The following SLC1A4 variants were observed in gnomAD, a reference collection of about 807,000 sequenced individuals.
SLC1A4 encodes solute carrier family 1 member 4.
Under a neutral mutation model 37.7 loss-of-function variants are expected in SLC1A4, and 19 were observed. The ratio of observed to expected loss-of-function variants is 0.50; its 90% CI spans 0.35 to 0.74. The LOEUF is 0.74. SLC1A4 is among the 30% of genes least tolerant of loss of function. The pLI is 0.01. For missense variants in SLC1A4, 570 were observed against 712.9 expected (o/e 0.80, Z 2.28); for synonymous variants, 299 against 309.8 (o/e 0.97, Z 0.37).
chr2:65,002,895 A>C (rs1185286667), intron 2 of SLC1A4, among the ~76,000 whole-genome samples: 2 of 152,074 alleles, frequency 1.3e-5, no homozygotes, highest in Non-Finnish European at 2.9e-5. Flanking sequence ...CATTCTTTAC[A>C]CAGAGAAGGA....
At chr2:65,016,380 C>T in intron 4 of SLC1A4, 60 bp from the exon 5 acceptor site, 1 of 1,328,306 alleles carries the variant, frequency 7.5e-7, no homozygotes, top group Non-Finnish European at 1.1e-6. Flanking sequence ...TCAGGAAGGA[C>T]CTGCATCTCT....
rs193036328 is a variant in SLC1A4 at position 65,004,454 on chromosome 2, A to T, written c.633+439A>T. 9.0e-4 allele frequency among the ~76,000 whole-genome samples: 134 copies of T among 148,834 alleles called. No homozygotes were observed. In the East Asian group the frequency reaches 0.014, roughly 16 times the overall value. Reference sequence around the variant, plus strand: ...TATTTATTTATTTATTTATTTATTTATTTTTTATGTTTTGTAGAGACAAGA... The same window carrying T: ...TATTTATTTATTTATTTATTTATTTTTTTTTTATGTTTTGTAGAGACAAGA... On this transcript the variant is annotated intron_variant, in intron 3 of 7. Coordinates refer to ENST00000234256, the MANE Select transcript of SLC1A4 (RefSeq NM_003038.5).
chr2:64,996,834 C>T (rs1673272527), intron 1 of SLC1A4, among the ~76,000 whole-genome samples: 1 of 152,142 alleles, frequency 6.6e-6, no homozygotes, highest in Non-Finnish European at 1.5e-5. Flanking sequence ...AGCTCACTGT[C>T]TCTGATTTCA....
chr2:65,016,626 C>G lies in SLC1A4; in HGVS notation c.987C>G (p.Leu329=), dbSNP rs201954414. 5.3e-5 allele frequency: 86 copies of G among 1,614,096 alleles called. No homozygotes were observed. Among genetic ancestry groups the G allele is most frequent in the Non-Finnish European group, 7.1e-5 (84 of 1,180,044 alleles). ...VFTRKNPFRF[L]LGLLAPFATA... is the part of the protein sequence containing the mutation. ...CACGAAAAAACCCATTCAGATTCCT[C>G]CTGGGCCTCCTCGCCCCATTTGCGA... Residue 329 remains leucine, a synonymous_variant, in exon 5 of 8, where the codon CTC becomes CTG. Transcript: ENST00000234256.
chr2:65,012,072 T>TA (rs1489799438), intron 4 of SLC1A4, among the ~76,000 whole-genome samples: 4 of 151,170 alleles, frequency 2.6e-5, no homozygotes. Context: ...CCCAGCCGCT[T>TA]CTACTTGTTT....
chr2:64,991,144 T>C (rs1378210273), intron 1 of SLC1A4, among the ~76,000 whole-genome samples: 2 of 152,222 alleles, frequency 1.3e-5, no homozygotes, highest in Admixed American at 6.5e-5. Flanking sequence ...TCTTGAGTTA[T>C]TGAGGCAAAG....
intron 2 of SLC1A4, 141 bp from the exon 3 acceptor site, chr2:65,003,812 A>T (rs566188745): frequency 1.5e-4 from 93 of 628,340 alleles, no homozygotes; most frequent in Non-Finnish European, 2.4e-4. Context: ...GGCTTTTGTC[A>T]GGCCAGCCAA....
chr2:64,996,608 C>T (rs1393275976), intron 1 of SLC1A4, among the ~76,000 whole-genome samples: 1 of 152,212 alleles, frequency 6.6e-6, no homozygotes, highest in Non-Finnish European at 1.5e-5. Context: ...TTTAAAATTA[C>T]TTCAAATGTA....
intron 3 of SLC1A4, 68 bp downstream of exon 3, chr2:65,004,083 G>A: frequency 7.4e-7 from 1 of 1,357,160 alleles, no homozygotes; most frequent in Non-Finnish European, 1.0e-6. Flanking sequence ...CTTTGAAGGA[G>A]CATACAGGAC....
intron 1 of SLC1A4, among the ~76,000 whole-genome samples, chr2:64,998,153 T>C (rs1382556459): frequency 1.3e-5 from 2 of 152,178 alleles, no homozygotes; most frequent in Admixed American, 6.5e-5. Context: ...AGGACAATGG[T>C]GTGAACCTCG....
chr2:64,989,626 G>A lies in SLC1A4; in HGVS notation c.-18G>A, dbSNP rs1276158943. ...CCACGTCCCCTGCCACCTCTAGCTC[G>A]GAGCGGCGTGTAGCGCCATGGAGAA... On this transcript the variant is annotated 5_prime_UTR_variant, in exon 1 of 8. Transcript: ENST00000234256. The A allele has an allele frequency of 1.4e-6, 2 of 1,479,768 alleles. No homozygotes were observed. The highest frequency in any genetic ancestry group is 2.7e-5 in the Admixed American group (1 of 36,686). The allele number at this position is 1,479,768 out of a possible 1,614,324, so 91.7% of individuals were successfully genotyped here. A position where few individuals can be genotyped will look rare whatever the true frequency, so the allele number is the denominator to read the frequency against.
chr2:65,020,812 C>A, intron 7 of SLC1A4, 100 bp from the exon 8 acceptor site: 1 of 885,284 alleles, frequency 1.1e-6, no homozygotes. Flanking sequence ...AGCAACAGGG[C>A]CCCTCACAAT....
rs188062812 is a variant in SLC1A4, at chr2:65,023,676, T to G, written c.*2530T>G. The G allele has an allele frequency of 2.0e-5, 3 of 152,646 alleles. No individual in the cohort carries two copies. Among genetic ancestry groups the G allele is most frequent in the Non-Finnish European group, 4.4e-5 (3 of 68,042 alleles). The allele number at this position is 152,646 out of a possible 1,614,324, so 9.5% of individuals were successfully genotyped here. On this transcript the variant is annotated 3_prime_UTR_variant, in exon 8 of 8. Transcript: ENST00000234256. ...CCTGGTTTTCAGTCCACAGAGTCGG[T>G]AGACCAGGGGTTACGTGACTGGGGA...
intron 2 of SLC1A4, among the ~76,000 whole-genome samples, chr2:65,002,111 C>T (rs758043513): frequency 6.6e-6 from 1 of 152,058 alleles, no homozygotes; most frequent in Admixed American, 6.6e-5. Context: ...GAAACCCCGT[C>T]TCCATTAAAG....
rs995920986 is a variant in SLC1A4, at chr2:65,018,435, T to C, written c.1230-110T>C. 5 of 1,485,564 alleles carry C rather than the reference T, an allele frequency of 3.4e-6. No homozygotes were observed. Among genetic ancestry groups the C allele is most frequent in the Admixed American group, 3.9e-5 (2 of 51,254 alleles). 92.0% of individuals were successfully genotyped at this position (1,485,564 alleles called of 1,614,324 possible). On this transcript the variant is annotated intron_variant, in intron 6 of 7. Transcript: ENST00000234256. This position sits in a 1 kb window ranked among gnomAD's most constrained non-coding sequence, Gnocchi z 4.3. ...TCAAGGGCGTAGCCAGCAGAGCCTA[T>C]GGTGGGGCGGTTTTTAGTTTCCAGC...
intron 3 of SLC1A4, among the ~76,000 whole-genome samples, chr2:65,009,935 T>A (rs1203755612): frequency 1.5e-5 from 2 of 129,770 alleles, no homozygotes; most frequent in Non-Finnish European, 1.6e-5. Context: ...CTGAAGGAAA[T>A]TTTTTTTTTT....
At chr2:65,012,409 GT>G (rs1673959301) in intron 4 of SLC1A4, among the ~76,000 whole-genome samples, 1 of 152,204 alleles carries the variant, frequency 6.6e-6, no homozygotes, top group Non-Finnish European at 1.5e-5. Context: ...TTAAGAACTA[GT>G]TTCTCCTTCC....
At chr2:65,004,823 G>C (rs1179050081) in intron 3 of SLC1A4, among the ~76,000 whole-genome samples, 3 of 152,158 alleles carry the variant, frequency 2.0e-5, no homozygotes, top group Admixed American at 6.5e-5. Flanking sequence ...TAAAAGCAGT[G>C]AGATAGAAGT....
Position 64,989,877 on chromosome 2 carries a change from C to T in SLC1A4, c.234C>T (p.Pro78=), listed in dbSNP as rs375950011. The change falls in exon 1 of 8, where the codon CCC becomes CCT. Residue 78 remains proline (P), a synonymous_variant. Transcript: ENST00000234256. Reference sequence around the variant, plus strand: ...CGCAGGTCACCTACCTGGCCTTCCCCGGCGAGATGCTGCTCCGCATGCTGC... The same window carrying T: ...CGCAGGTCACCTACCTGGCCTTCCCTGGCGAGATGCTGCTCCGCATGCTGC... ...SRTQVTYLAF[P]GEMLLRMLRM... 1.3e-6 allele frequency: 2 copies of T among 1,544,248 alleles called. No individual in the cohort carries two copies. Among genetic ancestry groups the T allele is most frequent in the Non-Finnish European group, 1.7e-6 (2 of 1,149,116 alleles).
Sources: allele counts gnomAD v4.1 joint callset (sites outside exome capture counted in the v4.1 genomes callset), GRCh38; gene constraint gnomAD v4.1.1; non-coding constraint Gnocchi (gnomAD v3.1); transcripts MANE v1.5; gene names NCBI Gene and HGNC (gene_info 2026-07-23, HGNC 2026-07-21).